Variants in PSTK observed in about 807,000 individuals in gnomAD.
PSTK encodes the protein L-seryl-tRNA(Sec) kinase.
PSTK carries 26 observed loss-of-function variants against 38.6 expected under a neutral mutation model. The observed-to-expected ratio is 0.67, with a 90% CI of 0.49 to 0.94. The LOEUF (loss-of-function observed/expected upper bound fraction) is 0.94. PSTK is among the 40% of genes least tolerant of loss of function. The pLI, the probability that PSTK is intolerant of heterozygous loss-of-function variation, is 0.00. For synonymous variants in PSTK, 181 were observed against 161.7 expected (o/e 1.12, Z -0.91); for missense variants, 445 against 436.3 (o/e 1.02, Z -0.18).
At chr10:122,982,205 C>T (rs1848968360) in intron 1 of PSTK, 1 of 152,682 alleles carries the variant, frequency 6.5e-6, no homozygotes, top group South Asian at 2.1e-4. Context: ...TTTTTGCTGT[C>T]TACTACCTTT....
At chr10:122,987,560 A>C in intron 5 of PSTK, 1 of 1,588,776 alleles carries the variant, frequency 6.3e-7, no homozygotes, top group Non-Finnish European at 8.6e-7. Flanking sequence ...ATGGAATTTG[A>C]GTAAAGTCAA....
chr10:122,980,620 T>C lies in PSTK; in HGVS notation c.141T>C (p.Gly47=), dbSNP rs1262257832. 1.2e-6 allele frequency: 2 copies of C among 1,611,898 alleles called. No homozygotes were observed. The highest frequency in any genetic ancestry group is 1.7e-6 in the Non-Finnish European group (2 of 1,179,546). The stretch of plus-strand genomic sequence containing the variant: ...CCCACCGGCTGCAGCAGGAGCAGGG[T>C]TGGGCCATCGGTGTTGTCGCGTATG... ...ALAHRLQQEQ[G]WAIGVVAYDD... The change falls in exon 1 of 6, where the codon GGT becomes GGC. Residue 47 remains glycine, a synonymous_variant. Transcript: ENST00000406217. The surrounding 1 kb of genome is among the most constrained non-coding windows in gnomAD (Gnocchi z 4.3).
At chr10:122,987,828 C>G (rs953280517) in intron 5 of PSTK, among the ~76,000 whole-genome samples, 3 of 152,172 alleles carry the variant, frequency 2.0e-5, no homozygotes, top group Non-Finnish European at 4.4e-5. Flanking sequence ...AGTAACTTGT[C>G]CAAGACTGAA....
At chr10:122,982,591 T>C (rs1026319133) in intron 1 of PSTK, 142 bp from the exon 2 acceptor site, 13 of 659,306 alleles carry the variant, frequency 2.0e-5, no homozygotes, top group South Asian at 1.5e-4. Flanking sequence ...TATGGAGTCA[T>C]GTGAAACCAG....
Position 122,986,881 on chromosome 10 carries a change from A to G in PSTK, c.796A>G (p.Ile266Val). The change falls in exon 5 of 6, where the codon ATT becomes GTT. Residue 266 changes from isoleucine (I) to valine (V), a missense_variant. Transcript: ENST00000406217. ...DNMEQKDTDR[I>V]ICSTNILHKT... ...TGTATTAACATAGGACACAGACAGA[A>G]TTATTTGTTCAACTAACATTCTTCA... 1 of 1,603,450 alleles carries G rather than the reference A, an allele frequency of 6.2e-7. No homozygotes were observed. Among genetic ancestry groups the G allele is most frequent in the Non-Finnish European group, 8.5e-7 (1 of 1,170,688 alleles).
intron 5 of PSTK, chr10:122,987,232 G>C: frequency 7.0e-7 from 1 of 1,438,584 alleles, no homozygotes; most frequent in Non-Finnish European, 9.4e-7. Flanking sequence ...ATTCTAATGA[G>C]GAGACAGACA....
chr10:122,981,851 A>G (rs991489133), intron 1 of PSTK: 2 of 152,166 alleles, frequency 1.3e-5, no homozygotes, highest in African/African-American at 2.4e-5. Context: ...CGCTTTTCCT[A>G]TGGACAAAGA....
chr10:122,980,928 G>C lies in PSTK; in HGVS notation c.216+233G>C, dbSNP rs1232201112. On this transcript the variant is annotated intron_variant, in intron 1 of 5. Coordinates refer to ENST00000406217, the MANE Select transcript of PSTK (RefSeq NM_001363531.2). This position sits in a 1 kb window ranked among gnomAD's most constrained non-coding sequence, Gnocchi z 4.3. ...CCAACTGTTAGAACGATGCATTTTA[G>C]ATGCTTATCTGTATATTTGATGCAT... 3.1e-5 allele frequency: 15 copies of C among 481,142 alleles called. No individual in the cohort carries two copies. Among genetic ancestry groups the C allele is most frequent in the Non-Finnish European group, 3.5e-5 (13 of 369,662 alleles). 29.8% of individuals were successfully genotyped at this position (481,142 alleles called of 1,614,324 possible).
chr10:122,988,359 AT>A (rs147410175), intron 5 of PSTK, among the ~76,000 whole-genome samples: 9,185 of 152,050 alleles, frequency 0.06, 541 homozygotes, highest in African/African-American at 0.15. Context: ...TATCCCACCT[AT>A]TTAAAAACAT....
In PSTK at chr10:122,980,696, G is replaced by C. The variant is rs1331810817; in HGVS notation, c.216+1G>C. 4.7e-6 allele frequency: 7 copies of C among 1,488,000 alleles called. No homozygotes were observed. Among genetic ancestry groups the C allele is most frequent in the Non-Finnish European group, 6.3e-6 (7 of 1,113,640 alleles). The allele number at this position is 1,488,000 out of a possible 1,614,324, so 92.2% of individuals were successfully genotyped here. ...CGCCGGGGCAAGAGCGCGACCGGCG[G>C]TCAGCACGGAGGGGCGGGGCCTGGG... On this transcript the variant is annotated splice_donor_variant, in intron 1 of 5. Coordinates refer to ENST00000406217, the MANE Select transcript of PSTK (RefSeq NM_001363531.2). LOFTEE classifies it high-confidence loss of function. The surrounding 1 kb of genome is among the most constrained non-coding windows in gnomAD (Gnocchi z 4.3).
intron 5 of PSTK, among the ~76,000 whole-genome samples, chr10:122,988,044 G>A (rs1849059655): frequency 6.6e-6 from 1 of 152,068 alleles, no homozygotes; most frequent in Admixed American, 6.6e-5. Context: ...GTAACCCAGG[G>A]TATAACCCAG....
chr10:122,982,555 G>C, intron 1 of PSTK, 178 bp from the exon 2 acceptor site: 2 of 607,828 alleles, frequency 3.3e-6, no homozygotes, highest in Non-Finnish European at 5.8e-6. Flanking sequence ...AGTAACATTA[G>C]TTTTCCAGGC....
chr10:122,983,777 G>A (rs1171018900), intron 3 of PSTK: 1 of 293,628 alleles, frequency 3.4e-6, no homozygotes, highest in African/African-American at 2.2e-5. Context: ...AGGTTGCCTG[G>A]TAGTTTTCTT....
intron 5 of PSTK, chr10:122,987,375 T>C (rs1849049374): frequency 1.2e-6 from 2 of 1,614,024 alleles, no homozygotes; most frequent in Non-Finnish European, 1.7e-6. Flanking sequence ...TAAGCAAAGA[T>C]GGGTAAGAGC....
At chr10:122,984,852 A>C (rs1251506984) in intron 3 of PSTK, 2 of 152,238 alleles carry the variant, frequency 1.3e-5, no homozygotes, top group African/African-American at 2.4e-5. Flanking sequence ...CAGTCCTCAC[A>C]ACCACCCTTT....
At chr10:122,990,147 T>A in intron 5 of PSTK, 27 bp from the exon 6 acceptor site, 4 of 1,462,244 alleles carry the variant, frequency 2.7e-6, no homozygotes, top group Non-Finnish European at 3.7e-6. Flanking sequence ...TTTACACCAG[T>A]AATTTGAGAA....
intron 3 of PSTK, 138 bp from the exon 4 acceptor site, chr10:122,986,162 A>G (rs1428721127): frequency 6.6e-6 from 3 of 456,772 alleles, no homozygotes; most frequent in Non-Finnish European, 1.2e-5. Context: ...CAGAGCTTGC[A>G]GTGAGCAGAG....
intron 5 of PSTK, among the ~76,000 whole-genome samples, chr10:122,989,696 G>C (rs1474723281): frequency 2.0e-5 from 3 of 152,210 alleles, no homozygotes; most frequent in African/African-American, 4.8e-5. Context: ...GAAAAATAAA[G>C]TTCAGCTTCT....
At chr10:122,987,286 T>G (rs747696545) in intron 5 of PSTK, 5 of 1,568,986 alleles carry the variant, frequency 3.2e-6, no homozygotes, top group Admixed American at 1.9e-5. Context: ...GAAGAAAATT[T>G]AAGTAAGGTA....
Sources: allele counts gnomAD v4.1 joint callset (sites outside exome capture counted in the v4.1 genomes callset), GRCh38; gene constraint gnomAD v4.1.1; non-coding constraint Gnocchi (gnomAD v3.1); transcripts MANE v1.5; gene names NCBI Gene and HGNC (gene_info 2026-07-23, HGNC 2026-07-21).